Variants in GPR141 observed in about 807,000 individuals in gnomAD.
GPR141 encodes G protein-coupled receptor 141, also known as probable G protein-coupled receptor 141.
Under a neutral mutation model 6.8 loss-of-function variants are expected in GPR141, and 6 were observed. The observed-to-expected ratio is 0.88, with a 90% confidence interval of 0.48 to 1.74. The LOEUF (loss-of-function observed/expected upper bound fraction) is 1.74, where lower values mean the gene tolerates loss of function less well. Ranked by LOEUF, GPR141 falls within the 40% of genes most tolerant of loss-of-function variation. GPR141 has a pLI of 0.01. For synonymous variants in GPR141, 140 were observed against 142.3 expected (o/e 0.98, Z 0.11); for missense variants, 372 against 372.9 (o/e 1.00, Z 0.02).
intron 2 of GPR141, among the ~76,000 whole-genome samples, chr7:37,721,353 C>G (rs1263856631): frequency 6.6e-6 from 1 of 152,192 alleles, no homozygotes; most frequent in Non-Finnish European, 1.5e-5. Context: ...AAGAGGCACT[C>G]AGGACCTGGT....
chr7:37,692,228 T>C (rs1809810239), intron 2 of GPR141, among the ~76,000 whole-genome samples: 1 of 152,170 alleles, frequency 6.6e-6, no homozygotes. Flanking sequence ...CTCCCACTTA[T>C]GAGTGAGAAC....
chr7:37,741,112 C>G lies in GPR141; in HGVS notation c.719C>G (p.Pro240Arg). The G allele has an allele frequency of 6.2e-7, 1 of 1,613,892 alleles. No homozygotes were observed. The highest frequency in any genetic ancestry group is 8.5e-7 in the Non-Finnish European group (1 of 1,179,840). The part of the protein sequence containing the change: ...FIGVILVCFL[P>R]YQFFRIYYLN... Reference sequence around the variant, plus strand: ...GGGGTCATCCTTGTTTGTTTCCTTCCCTACCAGTTCTTTAGGATCTATTAC... The same window carrying G: ...GGGGTCATCCTTGTTTGTTTCCTTCGCTACCAGTTCTTTAGGATCTATTAC... The change falls in exon 3 of 3, where the codon CCC becomes CGC. Residue 240 changes from proline (P) to arginine (R), a missense_variant. Coordinates refer to ENST00000334425, the MANE Select transcript of GPR141 (RefSeq NM_001381946.1).
chr7:37,719,288 C>T (rs1811200759), intron 2 of GPR141, among the ~76,000 whole-genome samples: 1 of 152,150 alleles, frequency 6.6e-6, no homozygotes, highest in South Asian at 2.1e-4. Context: ...CTGCAAAAGC[C>T]AGGGCTTTGT....
At chr7:37,731,703 C>T (rs1026422656) in intron 2 of GPR141, among the ~76,000 whole-genome samples, 1 of 152,206 alleles carries the variant, frequency 6.6e-6, no homozygotes, top group Non-Finnish European at 1.5e-5. Flanking sequence ...CCGCCCGCCT[C>T]GGCCTCCCGA....
chr7:37,715,549 T>C (rs747448074), intron 2 of GPR141, among the ~76,000 whole-genome samples: 16 of 152,358 alleles, frequency 1.1e-4, no homozygotes, highest in South Asian at 4.1e-4. Flanking sequence ...CTGGGTGCTT[T>C]ACTTAGTTTA....
intron 2 of GPR141, among the ~76,000 whole-genome samples, chr7:37,705,823 T>C (rs560787914): frequency 6.6e-6 from 1 of 152,302 alleles, no homozygotes; most frequent in South Asian, 2.1e-4. Flanking sequence ...CAGGCAATTC[T>C]ATAGGGCAGC....
intron 2 of GPR141, among the ~76,000 whole-genome samples, chr7:37,686,760 T>C (rs1279715550): frequency 6.6e-6 from 1 of 152,164 alleles, no homozygotes; most frequent in African/African-American, 2.4e-5. Flanking sequence ...TGGATGTAAC[T>C]GTGATTTCAA....
intron 2 of GPR141, among the ~76,000 whole-genome samples, chr7:37,690,044 T>C (rs762521054): frequency 6.6e-6 from 1 of 152,208 alleles, no homozygotes; most frequent in Non-Finnish European, 1.5e-5. Flanking sequence ...CAAACATCTC[T>C]CTTAATACTG....
chr7:37,722,923 TTTCC>T (rs796368390), intron 2 of GPR141, among the ~76,000 whole-genome samples: 16,098 of 111,934 alleles, frequency 0.14, 1,392 homozygotes, highest in Middle Eastern at 0.19. Context: ...TTCTTTTTCC[TTTCC>T]TTCCTTCCTT....
intron 2 of GPR141, among the ~76,000 whole-genome samples, chr7:37,729,268 C>G (rs1811796138): frequency 6.6e-6 from 1 of 152,184 alleles, no homozygotes; most frequent in African/African-American, 2.4e-5. Context: ...GGCCAGGCTT[C>G]ATGATGACCT....
chr7:37,722,975 CTTCCTTCT>C (rs1189127104), intron 2 of GPR141, among the ~76,000 whole-genome samples: 268 of 96,304 alleles, frequency 2.8e-3, no homozygotes, highest in Admixed American at 0.013. Flanking sequence ...TCCTTCCTTC[CTTCCTTCT>C]TTCTTTCTTT....
chr7:37,727,911 C>T (rs892067592), intron 2 of GPR141, among the ~76,000 whole-genome samples: 2 of 152,150 alleles, frequency 1.3e-5, no homozygotes, highest in Non-Finnish European at 2.9e-5. Flanking sequence ...GGCAACATGC[C>T]GTAAATATGG....
intron 2 of GPR141, among the ~76,000 whole-genome samples, chr7:37,711,419 TA>T (rs1810788819): frequency 6.6e-6 from 1 of 152,004 alleles, no homozygotes; most frequent in East Asian, 1.9e-4. Flanking sequence ...TACATGGGAG[TA>T]AGTGTGGAAA....
intron 2 of GPR141, among the ~76,000 whole-genome samples, chr7:37,709,234 G>C (rs1554341378): frequency 6.6e-6 from 1 of 152,102 alleles, no homozygotes; most frequent in African/African-American, 2.4e-5. Context: ...TTAAATATTT[G>C]GTACAGTTAC....
chr7:37,710,850 C>T (rs1442203391), intron 2 of GPR141, among the ~76,000 whole-genome samples: 1 of 152,020 alleles, frequency 6.6e-6, no homozygotes, highest in Non-Finnish European at 1.5e-5. Flanking sequence ...TTTTTTCTCT[C>T]CTGAGTATCA....
At chr7:37,719,215 C>T (rs1811197258) in intron 2 of GPR141, among the ~76,000 whole-genome samples, 1 of 152,114 alleles carries the variant, frequency 6.6e-6, no homozygotes, top group South Asian at 2.1e-4. Flanking sequence ...TATCACAAGA[C>T]AGTTGTGTTG....
At chr7:37,727,436 A>G (rs895906892) in intron 2 of GPR141, among the ~76,000 whole-genome samples, 2 of 152,140 alleles carry the variant, frequency 1.3e-5, no homozygotes, top group African/African-American at 2.4e-5. Context: ...GTACATTTTA[A>G]TTAAAATAAC....
intron 2 of GPR141, chr7:37,709,747 C>G (rs936529340): frequency 3.3e-5 from 5 of 152,200 alleles, no homozygotes; most frequent in Admixed American, 3.3e-4. Flanking sequence ...CTGTAAAAGG[C>G]AGCTTAACTG....
chr7:37,711,726 C>T (rs1810804373), intron 2 of GPR141, among the ~76,000 whole-genome samples: 1 of 152,218 alleles, frequency 6.6e-6, no homozygotes, highest in African/African-American at 2.4e-5. Flanking sequence ...AATCCCACAG[C>T]CTTTGCCTGT....
Sources: allele counts gnomAD v4.1 joint callset (sites outside exome capture counted in the v4.1 genomes callset), GRCh38; gene constraint gnomAD v4.1.1; transcripts MANE v1.5; gene names NCBI Gene and HGNC (gene_info 2026-07-23, HGNC 2026-07-21).